Variants in SMARCA5 observed in about 807,000 individuals in gnomAD.
SMARCA5 encodes the protein SNF2 related chromatin remodeling ATPase 5.
Under a neutral mutation model 140.4 loss-of-function variants are expected in SMARCA5, and 18 were observed. The observed-to-expected ratio is 0.13, with a 90% CI of 0.09 to 0.19. SMARCA5 has a LOEUF of 0.19. Ranked by LOEUF, SMARCA5 falls within the 10% of genes least tolerant of loss-of-function variation. The pLI, the probability that SMARCA5 is intolerant of heterozygous loss-of-function variation, is 1.00. For missense variants in SMARCA5, 606 were observed against 1,276.8 expected, an observed-to-expected ratio of 0.47 and a Z score of 8.01; for synonymous variants, 449 against 419.6, an observed-to-expected ratio of 1.07 and a Z score of -0.86.
At position 143,514,056 on chromosome 4, in the gene SMARCA5, G is replaced by A. The variant is rs754904647; in HGVS notation, c.132G>A (p.Ala44=). The change falls in exon 1 of 24, where the codon GCG becomes GCA. Residue 44 remains alanine, a synonymous_variant. Transcript: ENST00000283131. The stretch of plus-strand genomic sequence containing the variant: ...GCCCCGAAGGCGTCGCGGCGCAGGC[G>A]GTTGCGTCTGCGGCCAGCGCTGGTC... ...KGGPEGVAAQ[A]VASAASAGPA... 1.9e-6 allele frequency: 3 copies of A among 1,561,908 alleles called. No individual in the cohort carries two copies. Among genetic ancestry groups the A allele is most frequent in the African/African-American group, 2.7e-5 (2 of 73,476 alleles).
At chr4:143,548,214 G>A in intron 22 of SMARCA5, 74 bp downstream of exon 22, 2 of 861,658 alleles carry the variant, frequency 2.3e-6, no homozygotes, top group South Asian at 2.0e-5. Context: ...TCTTTAAGGT[G>A]ACTTTAAAAA....
Position 143,555,322 on chromosome 4 carries a change from A to G in SMARCA5, c.*2138A>G. On this transcript the variant is annotated 3_prime_UTR_variant, in exon 24 of 24. Transcript: ENST00000283131. ...TTTTACCACCTCCAAAATTGCTTCA[A>G]TCATTACCAAATCTATTATAGCAAT... The G allele has an allele frequency of 2.7e-6, 2 of 741,668 alleles. No homozygotes were observed. Among genetic ancestry groups the G allele is most frequent in the South Asian group, 2.7e-5 (2 of 74,436 alleles). 45.9% of individuals were successfully genotyped at this position (741,668 alleles called of 1,614,324 possible).
intron 8 of SMARCA5, among the ~76,000 whole-genome samples, chr4:143,529,262 C>G (rs1178275686): frequency 6.6e-6 from 1 of 152,154 alleles, no homozygotes; most frequent in African/African-American, 2.4e-5. Flanking sequence ...ATTGTTTTCT[C>G]TATCTGAAAT....
chr4:143,529,054 C>T (rs972166728), intron 8 of SMARCA5, among the ~76,000 whole-genome samples: 5 of 152,266 alleles, frequency 3.3e-5, no homozygotes, highest in African/African-American at 1.2e-4. Flanking sequence ...TGTGCCTCAG[C>T]CTTCCGAATA....
chr4:143,526,309 C>G lies in SMARCA5; in HGVS notation c.650C>G (p.Ser217Cys), dbSNP rs762390754. ...MGLGKTLQTI[S>C]LLGYMKHYRN... ...CTAGGAAAGACTCTTCAAACAATTTCTCTTCTTGGGTACATGAAACATTAT... is the reference window on the plus strand; with the variant it reads ...CTAGGAAAGACTCTTCAAACAATTTGTCTTCTTGGGTACATGAAACATTAT... Residue 217 changes from serine to cysteine, a missense_variant, in exon 6 of 24, where the codon TCT (serine) becomes TGT (cysteine). Ser to Cys is a moderately radical substitution (Grantham distance 112). Around this residue, in one of 10 missense-constraint regions of SMARCA5, gnomAD observed 110 missense variants for 287.7 expected, o/e 0.38. Coordinates refer to ENST00000283131, the MANE Select transcript of SMARCA5 (RefSeq NM_003601.4). 1.2e-6 allele frequency: 2 copies of G among 1,613,900 alleles called. No individual in the cohort carries two copies. The highest frequency in any genetic ancestry group is 8.5e-7 in the Non-Finnish European group (1 of 1,179,896).
chr4:143,529,652 A>G (rs895892431), intron 8 of SMARCA5, among the ~76,000 whole-genome samples: 1 of 152,178 alleles, frequency 6.6e-6, no homozygotes, highest in Non-Finnish European at 1.5e-5. Flanking sequence ...CTTTGTTTGC[A>G]TAGCTGGCGT....
rs543892015 is a variant in SMARCA5, at chr4:143,546,169, A to G, written c.2520+122A>G. 6.5e-5 allele frequency: 42 copies of G among 650,168 alleles called. 1 individual carries two copies. The highest frequency in any genetic ancestry group is 9.1e-4 in the Middle Eastern group (2 of 2,204). The allele number at this position is 650,168 out of a possible 1,614,324, so 40.3% of individuals were successfully genotyped here. On this transcript the variant is annotated intron_variant, in intron 19 of 23. Coordinates refer to ENST00000283131, the MANE Select transcript of SMARCA5 (RefSeq NM_003601.4). ...TTTAAAGATGGAATAATTGGAGACA[A>G]TAAAGTATGGGCATGTGGATAAATG... is the stretch of plus-strand genomic sequence containing the variant.
At position 143,521,414 on chromosome 4, in the gene SMARCA5, A is replaced by ATTT; in HGVS notation, c.253-6_253-4dup. 6 of 1,293,364 alleles carry ATTT rather than the reference A, an allele frequency of 4.6e-6. No individual in the cohort carries two copies. Among genetic ancestry groups the ATTT allele is most frequent in the South Asian group, 1.4e-5 (1 of 70,238 alleles). 80.1% of individuals were successfully genotyped at this position (1,293,364 alleles called of 1,614,324 possible). On this transcript the variant is annotated splice_polypyrimidine_tract_variant and intron_variant, in intron 2 of 23. Transcript: ENST00000283131. ...GATACTCTGATAAAATGTATCTTAA[A>ATTT]TTTTTTTTTTTCAGCAAACTGACCG... is the stretch of plus-strand genomic sequence containing the variant.
chr4:143,514,066 G>C lies in SMARCA5; in HGVS notation c.142G>C (p.Ala48Pro). 6.4e-7 allele frequency: 1 copy of C among 1,561,532 alleles called. No individual in the cohort carries two copies. Among genetic ancestry groups the C allele is most frequent in the South Asian group, 1.1e-5 (1 of 86,986 alleles). ...EGVAAQAVAS[A>P]ASAGPADAEM... ...CGTCGCGGCGCAGGCGGTTGCGTCT[G>C]CGGCCAGCGCTGGTCCCGCAGACGC... is the stretch of plus-strand genomic sequence containing the variant. The change falls in exon 1 of 24, where the codon GCG becomes CCG. Residue 48 changes from alanine (A) to proline (P), a missense_variant. Physicochemically the swap from Ala to Pro is conservative, Grantham distance 27 (BLOSUM62 -1). Transcript: ENST00000283131.
In SMARCA5 at chr4:143,515,984, AT is replaced by A. The variant is rs944042478; in HGVS notation, c.178-1360del. 9.2e-3 allele frequency among the ~76,000 whole-genome samples: 1,330 copies of A among 144,080 alleles called. 18 individuals carry two copies. Among genetic ancestry groups the A allele is most frequent in the African/African-American group, 0.03 (1,173 of 39,492 alleles). The allele number at this position is 144,080 out of a possible 152,430, so 94.5% of individuals were successfully genotyped here. On this transcript the variant is annotated intron_variant, in intron 1 of 23. Transcript: ENST00000283131. ...TTTTTTTGGTTGACATTATAGTGTG[AT>A]TTTTTTTTTTGTCTTTTAAAATGTC...
chr4:143,526,500 T>G (rs774895923), intron 6 of SMARCA5, 40 bp downstream of exon 6: 2 of 1,413,402 alleles, frequency 1.4e-6, no homozygotes, highest in Non-Finnish European at 2.0e-6. Flanking sequence ...GAGGCTAAAA[T>G]AATTTGAATT....
intron 21 of SMARCA5, among the ~76,000 whole-genome samples, 189 bp downstream of exon 21, chr4:143,547,692 A>G (rs1737556677): frequency 6.6e-6 from 1 of 152,088 alleles, no homozygotes. Context: ...AGTCAAAGAC[A>G]CTAAGATTAG....
intron 22 of SMARCA5, among the ~76,000 whole-genome samples, chr4:143,549,260 G>A (rs182962416): frequency 6.6e-5 from 10 of 152,004 alleles, no homozygotes; most frequent in Non-Finnish European, 1.3e-4. Context: ...GTCTTGTGTG[G>A]TGTATTCTAT....
chr4:143,546,603 A>G (rs1384587383), intron 19 of SMARCA5, among the ~76,000 whole-genome samples, 173 bp from the exon 20 acceptor site: 1 of 152,130 alleles, frequency 6.6e-6, no homozygotes, highest in Non-Finnish European at 1.5e-5. Context: ...TATTTGAGCA[A>G]TATATAATGT....
At chr4:143,543,389 A>G in intron 14 of SMARCA5, 120 bp from the exon 15 acceptor site, 1 of 846,754 alleles carries the variant, frequency 1.2e-6, no homozygotes, top group Admixed American at 3.0e-5. Flanking sequence ...TAAACAGTAA[A>G]CAGAAATGAT....
Position 143,545,149 on chromosome 4 carries a change from G to GC in SMARCA5, c.2283+304dup, listed in dbSNP as rs1176717975. ...GTAGTGATGGGGTTTCACCATGTTG[G>GC]CCAGGATGGTCTTGATCTCTTGACC... On this transcript the variant is annotated intron_variant, in intron 17 of 23. Transcript: ENST00000283131. 2.6e-5 allele frequency among the ~76,000 whole-genome samples: 4 copies of GC among 151,966 alleles called. No homozygotes were observed. In the East Asian group the frequency reaches 7.7e-4, roughly 29 times the overall value.
At chr4:143,548,940 C>G (rs1459016848) in intron 22 of SMARCA5, among the ~76,000 whole-genome samples, 1 of 151,956 alleles carries the variant, frequency 6.6e-6, no homozygotes, top group Non-Finnish European at 1.5e-5. Flanking sequence ...CACTAGACAT[C>G]ACTGTTTGTG....
intron 15 of SMARCA5, 71 bp downstream of exon 15, chr4:143,543,728 TTGA>T: frequency 2.7e-6 from 4 of 1,499,274 alleles, no homozygotes; most frequent in Non-Finnish European, 3.6e-6. Context: ...ATTTGTTACA[TTGA>T]TGATAAATAA....
In SMARCA5 at chr4:143,555,890, GC is replaced by G. The variant is rs556278735; in HGVS notation, c.*2707del. 236 of 153,440 alleles carry G rather than the reference GC, an allele frequency of 1.5e-3. No homozygotes were observed. Among genetic ancestry groups the G allele is most frequent in the Middle Eastern group, 3.3e-3 (1 of 300 alleles). 9.5% of individuals were successfully genotyped at this position (153,440 alleles called of 1,614,324 possible). A position where few individuals can be genotyped will look rare whatever the true frequency, so the allele number is the denominator to read the frequency against. On this transcript the variant is annotated 3_prime_UTR_variant, in exon 24 of 24. Coordinates refer to ENST00000283131, the MANE Select transcript of SMARCA5 (RefSeq NM_003601.4). ...AACGCCGACTTCAGGCAATCCTCTT[GC>G]GTCAACCTCTCAAAGTGCTGGGATT...
Sources: gnomAD v4.1 joint callset for allele counts (sites outside exome capture counted in the v4.1 genomes callset) on GRCh38, gnomAD v4.1.1 for gene constraint, gnomAD v4.1.1 regional missense constraint, MANE v1.5 for transcripts, NCBI Gene and HGNC (gene_info 2026-07-23, HGNC 2026-07-21) for gene names.